The following MGAT1 variants were observed in gnomAD, a reference collection of about 807,000 sequenced individuals.
MGAT1 encodes alpha-1,3-mannosyl-glycoprotein 2-beta-N-acetylglucosaminyltransferase.
In MGAT1, 14 loss-of-function variants were observed where a neutral mutation model predicts 31.7. The ratio of observed to expected loss-of-function variants is 0.44; its 90% CI spans 0.29 to 0.69. The LOEUF (loss-of-function observed/expected upper bound fraction) is 0.69, where lower values mean the gene tolerates loss of function less well. Among genes scored for constraint, MGAT1 ranks in the 30% least tolerant of loss-of-function variants. MGAT1 has a pLI of 0.12. For synonymous variants in MGAT1, 338 were observed against 276.0 expected, an observed-to-expected ratio of 1.22 and a Z score of -2.23; for missense variants, 557 against 626.0, an observed-to-expected ratio of 0.89 and a Z score of 1.18.
chr5:180,810,134 C>T (rs1561882416), intron 1 of MGAT1: 1 of 151,428 alleles, frequency 6.6e-6, no homozygotes. Context: ...GGCCCAGGCC[C>T]CACCCCCTCG....
chr5:180,793,309 G>C (rs760153727), intron 1 of MGAT1, among the ~76,000 whole-genome samples: 1 of 152,114 alleles, frequency 6.6e-6, no homozygotes, highest in Admixed American at 6.6e-5. Context: ...TGGAGGGAGA[G>C]AGAAAAAGAA....
At chr5:180,812,572 A>G (rs182074255) in intron 1 of MGAT1, among the ~76,000 whole-genome samples, 17 of 150,968 alleles carry the variant, frequency 1.1e-4, no homozygotes, top group South Asian at 4.2e-4. Flanking sequence ...ACACACAGGC[A>G]CACACACACA....
intron 1 of MGAT1, among the ~76,000 whole-genome samples, chr5:180,794,837 T>TC (rs74455281): frequency 0.12 from 18,922 of 152,080 alleles, 1,253 homozygotes; most frequent in East Asian, 0.25. Flanking sequence ...ATGCCCCATT[T>TC]CTTTCTACTT....
intron 1 of MGAT1, chr5:180,809,502 C>T (rs2113584499): frequency 1.3e-5 from 2 of 152,154 alleles, no homozygotes; most frequent in Middle Eastern, 6.8e-3. Context: ...TGTTTTAATC[C>T]ACCAGCCCTC....
intron 1 of MGAT1, among the ~76,000 whole-genome samples, chr5:180,811,728 A>G (rs1188716778): frequency 6.6e-6 from 1 of 151,098 alleles, no homozygotes; most frequent in Non-Finnish European, 1.5e-5. Flanking sequence ...TCTGTGCTCC[A>G]AACTGCACAG....
In MGAT1 at chr5:180,792,677, C is replaced by T. The variant is rs756113870; in HGVS notation, c.295G>A (p.Val99Met). The T allele has an allele frequency of 4.5e-6, 7 of 1,570,902 alleles. No homozygotes were observed. Among genetic ancestry groups the T allele is most frequent in the Non-Finnish European group, 3.5e-6 (4 of 1,159,298 alleles). Residue 99 changes from valine (V) to methionine (M), a missense_variant, in exon 2 of 2, where the codon GTG becomes ATG. By Grantham distance (21) the Val-to-Met change is conservative. This residue lies in a region of MGAT1 where 167 missense variants were observed against 149.8 expected (regional missense o/e 1.11). Transcript: ENST00000307826. Reference protein sequence around the residue: ...AAPPAQPRVPVTPAPAVIPIL... With the variant: ...AAPPAQPRVPMTPAPAVIPIL... ...GGAATCACCGCCGGCGCGGGGGTCA[C>T]AGGCACACGCGGCTGGGCGGGAGGG...
rs151044774 is a variant in MGAT1, at chr5:180,791,699, G to T, written c.1273C>A (p.Arg425=). The change falls in exon 2 of 2, where the codon CGG becomes AGG. Residue 425 remains arginine (R), a synonymous_variant. Coordinates refer to ENST00000307826, the MANE Select transcript of MGAT1 (RefSeq NM_002406.4). ...GGCGCCAGGTGGACACGGCGGCCCC[G>T]GAACTGGAAGGTGACAATACCCCGG... is the stretch of plus-strand genomic sequence containing the variant. ...GYRGIVTFQF[R]GRRVHLAPPL... 5.0e-6 allele frequency: 8 copies of T among 1,613,768 alleles called. No homozygotes were observed. Among genetic ancestry groups the T allele is most frequent in the Admixed American group, 1.7e-5 (1 of 60,006 alleles).
chr5:180,792,881 G>C lies in MGAT1; in HGVS notation c.91C>G (p.Arg31Gly). 6.3e-7 allele frequency: 1 copy of C among 1,595,764 alleles called. No homozygotes were observed. The highest frequency in any genetic ancestry group is 8.5e-7 in the Non-Finnish European group (1 of 1,171,878). ...NALLLLFFWT[R>G]PAPGRPPSVS... is the part of the protein sequence containing the mutation. ...GAGGGTGGCCTGCCAGGTGCTGGGC[G>C]CGTCCAGAAGAAGAGGAGCAGCAGG... The change falls in exon 2 of 2, where the codon CGC (arginine) becomes GGC (glycine). Residue 31 changes from arginine to glycine, a missense_variant. By Grantham distance (125) the Arg-to-Gly change is moderately radical (BLOSUM62 -2). Coordinates refer to ENST00000307826, the MANE Select transcript of MGAT1 (RefSeq NM_002406.4).
chr5:180,797,615 C>G (rs1161987836), intron 1 of MGAT1, among the ~76,000 whole-genome samples: 1 of 152,182 alleles, frequency 6.6e-6, no homozygotes, highest in East Asian at 1.9e-4. Context: ...CCTGCCCCAC[C>G]CTTCTAAGCC....
rs1768497734 is a variant in MGAT1, at chr5:180,792,813, T to C, written c.159A>G (p.Glu53=). 7 of 1,559,718 alleles carry C rather than the reference T, an allele frequency of 4.5e-6. No homozygotes were observed. The highest frequency in any genetic ancestry group is 1.8e-4 in the Middle Eastern group (1 of 5,662). ...LDGDPASLTR[E]VIRLAQDAEV... ...CGGCGTCTTGGGCCAGGCGAATCAC[T>C]TCCCGGGTGAGGCTGGCGGGGTCGC... The change falls in exon 2 of 2, where the codon GAA becomes GAG. Residue 53 remains glutamate (E), a synonymous_variant. Transcript: ENST00000307826.
intron 1 of MGAT1, among the ~76,000 whole-genome samples, chr5:180,798,057 G>A (rs1251446629): frequency 6.6e-6 from 1 of 152,172 alleles, no homozygotes; most frequent in Non-Finnish European, 1.5e-5. Context: ...CACTGCTCAG[G>A]CCACCATCAG....
rs1364917748 is a variant in MGAT1, at chr5:180,791,177, G to A, written c.*457C>T. 1 of 164,234 alleles carries A rather than the reference G, an allele frequency of 6.1e-6. No homozygotes were observed. The highest frequency in any genetic ancestry group is 1.3e-5 in the Non-Finnish European group (1 of 76,220). The allele number at this position is 164,234 out of a possible 1,614,324, so 10.2% of individuals were successfully genotyped here. On this transcript the variant is annotated 3_prime_UTR_variant, in exon 2 of 2. Coordinates refer to ENST00000307826, the MANE Select transcript of MGAT1 (RefSeq NM_002406.4). ...AAGCCCCTTTGGTTAGTATCATTTT[G>A]GCCACAAATATGTCCCCTTCTCCCA...
At chr5:180,813,527 C>T (rs1313221213) in intron 1 of MGAT1, among the ~76,000 whole-genome samples, 1 of 152,146 alleles carries the variant, frequency 6.6e-6, no homozygotes, top group Non-Finnish European at 1.5e-5. Flanking sequence ...GCTAGCTGGG[C>T]CAAAAGTCTG....
rs1353880652 is a variant in MGAT1 at position 180,792,384 on chromosome 5, G to C, written c.588C>G (p.Val196=). 1.9e-6 allele frequency: 3 copies of C among 1,611,024 alleles called. No homozygotes were observed. Among genetic ancestry groups the C allele is most frequent in the East Asian group, 4.5e-5 (2 of 44,802 alleles). The part of the protein sequence containing the change: ...ARHYRWALGQ[V]FRQFRFPAAV... ...CCGCGGGGAAGCGAAACTGCCGGAA[G>C]ACCTGGCCCAGCGCCCAGCGGTAGT... The change falls in exon 2 of 2, where the codon GTC becomes GTG. Residue 196 remains valine (V), a synonymous_variant. Coordinates refer to ENST00000307826, the MANE Select transcript of MGAT1 (RefSeq NM_002406.4).
chr5:180,806,194 G>C (rs1388668835), upstream of MGAT1, among the ~76,000 whole-genome samples: 6 of 152,160 alleles, frequency 3.9e-5, no homozygotes, highest in Non-Finnish European at 7.3e-5. Flanking sequence ...GCTGAGGCAG[G>C]GGAATAGCTT....
At chr5:180,806,409 A>G (rs1000249367), upstream of MGAT1, among the ~76,000 whole-genome samples, 2 of 152,176 alleles carry the variant, frequency 1.3e-5, no homozygotes, top group Non-Finnish European at 2.9e-5. Flanking sequence ...GGTTGTCTTG[A>G]AGGGACTGTC....
At chr5:180,806,817 A>G (rs962379990), upstream of MGAT1, among the ~76,000 whole-genome samples, 3 of 152,232 alleles carry the variant, frequency 2.0e-5, no homozygotes, top group African/African-American at 7.2e-5. Flanking sequence ...GATACCAGAG[A>G]TGGCTGAGGA....
chr5:180,812,600 C>A (rs1404829800), intron 1 of MGAT1, among the ~76,000 whole-genome samples: 2 of 152,042 alleles, frequency 1.3e-5, no homozygotes, highest in Admixed American at 6.6e-5. Flanking sequence ...ATAACAGGTA[C>A]AAATTTCACA....
chr5:180,802,269 C>T (rs1489295525), intron 1 of MGAT1, among the ~76,000 whole-genome samples: 1 of 152,160 alleles, frequency 6.6e-6, no homozygotes, highest in South Asian at 2.1e-4. Flanking sequence ...ACTGAATCAA[C>T]ATTTCCTTTC....
Sources: gnomAD v4.1 joint callset for allele counts (sites outside exome capture counted in the v4.1 genomes callset) on GRCh38, gnomAD v4.1.1 for gene constraint, gnomAD v4.1.1 regional missense constraint, MANE v1.5 for transcripts, NCBI Gene and HGNC (gene_info 2026-07-23, HGNC 2026-07-21) for gene names.